Variants in MTA1 observed in about 807,000 individuals in gnomAD.
MTA1 encodes the protein metastasis associated 1.
Under a neutral mutation model 97.0 loss-of-function variants are expected in MTA1, and 15 were observed. The ratio of observed to expected loss-of-function variants is 0.15; its 90% confidence interval spans 0.10 to 0.24. MTA1 has a LOEUF of 0.24. MTA1 is among the 10% of genes least tolerant of loss of function. MTA1 has a pLI of 1.00. For missense variants in MTA1, 709 were observed against 1,015.1 expected (o/e 0.70, Z 4.10); for synonymous variants, 435 against 417.5 (o/e 1.04, Z -0.51).
intron 1 of MTA1, among the ~76,000 whole-genome samples, chr14:105,437,098 C>T (rs1039376745): frequency 3.9e-5 from 6 of 152,248 alleles, no homozygotes; most frequent in East Asian, 3.8e-4. Flanking sequence ...TCTATGTGGG[C>T]GTAGCCTCAT....
intron 16 of MTA1, chr14:105,465,762 C>T (rs2083555295): frequency 6.6e-6 from 1 of 152,428 alleles, no homozygotes; most frequent in African/African-American, 2.4e-5. Context: ...CTGGAAGCAG[C>T]TTGGTGGCTG....
Position 105,464,422 on chromosome 14 carries a change from A to C in MTA1, c.1199A>C (p.Gln400Pro). 6.2e-7 allele frequency: 1 copy of C among 1,613,176 alleles called. No homozygotes were observed. The highest frequency in any genetic ancestry group is 8.5e-7 in the Non-Finnish European group (1 of 1,179,616). Residue 400 changes from glutamine to proline, a missense_variant, in exon 14 of 21, where the codon CAG (glutamine) becomes CCG (proline). Transcript: ENST00000331320. ...CCAACTTTGTTGTCCGTAGCCACAC[A>C]GTCTTACCAGTGGTATTCTTGGGGT... ...GRACESCYTT[Q>P]SYQWYSWGPP...
At position 105,420,950 on chromosome 14, in the gene MTA1, C is replaced by T. The variant is rs149389111; in HGVS notation, c.28+887C>T. ...GGGCAGGTGCTCATTACCTTTCCCA[C>T]CTGCAGCCTGCGCTGCTGGAGGGAG... On this transcript the variant is annotated intron_variant, in intron 1 of 20. Transcript: ENST00000331320. The surrounding 1 kb of genome is among the most constrained non-coding windows in gnomAD (Gnocchi z 5.3). Among the ~76,000 whole-genome samples the T allele has an allele frequency of 0.01, 1,566 of 152,310 alleles. 6 individuals are homozygous for T. Among genetic ancestry groups the T allele is most frequent in the Non-Finnish European group, 0.017 (1,162 of 68,014 alleles).
chr14:105,436,445 G>A (rs2082326539), intron 1 of MTA1, among the ~76,000 whole-genome samples: 1 of 152,146 alleles, frequency 6.6e-6, no homozygotes, highest in African/African-American at 2.4e-5. Context: ...CGTGAATTTT[G>A]GAAGTCCATA....
Position 105,454,330 on chromosome 14 carries a change from G to A in MTA1, c.550+20G>A. 3 of 1,562,280 alleles carry A rather than the reference G, an allele frequency of 1.9e-6. No individual in the cohort carries two copies. Among genetic ancestry groups the A allele is most frequent in the Non-Finnish European group, 2.6e-6 (3 of 1,133,796 alleles). ...AAGAAGGTAGGGTGGGCCGCCCTGG[G>A]CATGGAGCCCTCTGTCCTGTCCTGT... On this transcript the variant is annotated intron_variant, in intron 7 of 20. Coordinates refer to ENST00000331320, the MANE Select transcript of MTA1 (RefSeq NM_004689.4).
At chr14:105,423,233 T>A (rs2081904440) in intron 1 of MTA1, among the ~76,000 whole-genome samples, 1 of 148,280 alleles carries the variant, frequency 6.7e-6, no homozygotes, top group Non-Finnish European at 1.5e-5. Context: ...TTTTTTTTTT[T>A]TTTTGAGATG....
intron 8 of MTA1, among the ~76,000 whole-genome samples, chr14:105,459,971 A>G (rs7493730): frequency 8.7e-4 from 37 of 42,412 alleles, no homozygotes; most frequent in African/African-American, 1.2e-3. Flanking sequence ...CGTGCTGCCC[A>G]TGGCCCCTGG....
chr14:105,464,950 T>C, intron 15 of MTA1, 87 bp downstream of exon 15: 2 of 1,454,932 alleles, frequency 1.4e-6, no homozygotes, highest in South Asian at 1.4e-5. Flanking sequence ...GTAGCCCCAC[T>C]GGGAGTTCTG....
At chr14:105,452,472 G>A (rs961055938) in intron 6 of MTA1, among the ~76,000 whole-genome samples, 1 of 152,226 alleles carries the variant, frequency 6.6e-6, no homozygotes, top group African/African-American at 2.4e-5. Context: ...TTGAGCTCAG[G>A]AGTTCAAGAG....
In MTA1 at chr14:105,419,977, G is replaced by C. The variant is rs1464191066; in HGVS notation, c.-59G>C. ...CCCGCCATCGCGCCTCCATTTTCCC[G>C]GCCGCCCGCGCCGAGCGCCGCGCCC... On this transcript the variant is annotated 5_prime_UTR_variant, in exon 1 of 21. Transcript: ENST00000331320. 7 of 878,070 alleles carry C rather than the reference G, an allele frequency of 8.0e-6. No individual in the cohort carries two copies. The highest frequency in any genetic ancestry group is 9.3e-6 in the Non-Finnish European group (7 of 749,626). The allele number at this position is 878,070 out of a possible 1,614,324, so 54.4% of individuals were successfully genotyped here. A position where few individuals can be genotyped will look rare whatever the true frequency, so the allele number is the denominator to read the frequency against.
chr14:105,450,413 A>T (rs1466169579), intron 6 of MTA1, 89 bp downstream of exon 6: 5 of 1,413,562 alleles, frequency 3.5e-6, no homozygotes, highest in Non-Finnish European at 4.8e-6. Context: ...GGCGGCGGAG[A>T]CGATTTTCCC....
chr14:105,452,541 G>A (rs587771085), intron 6 of MTA1, among the ~76,000 whole-genome samples: 3 of 152,348 alleles, frequency 2.0e-5, no homozygotes, highest in African/African-American at 7.2e-5. Context: ...TTAGCCAGGC[G>A]TGGTGGTGCA....
chr14:105,435,461 A>AT (rs1190742929), intron 1 of MTA1, among the ~76,000 whole-genome samples: 42 of 151,600 alleles, frequency 2.8e-4, no homozygotes, highest in Admixed American at 5.3e-4. Flanking sequence ...ATTAAAAATA[A>AT]TTTTTTTTTA....
chr14:105,466,212 T>G, intron 16 of MTA1: 1 of 590,384 alleles, frequency 1.7e-6, no homozygotes, highest in Non-Finnish European at 3.0e-6. Context: ...GGTGCGGGAC[T>G]GGCCCGGGCA....
chr14:105,431,037 T>C (rs2082163219), intron 1 of MTA1, among the ~76,000 whole-genome samples: 1 of 152,220 alleles, frequency 6.6e-6, no homozygotes, highest in Non-Finnish European at 1.5e-5. Flanking sequence ...GTCCCTGGAA[T>C]GTGTGTGGGG....
At chr14:105,462,048 G>A (rs1179764582) in intron 10 of MTA1, among the ~76,000 whole-genome samples, 1 of 152,264 alleles carries the variant, frequency 6.6e-6, no homozygotes, top group Non-Finnish European at 1.5e-5. Flanking sequence ...CCAGTGCTGA[G>A]CCCACGTGAT....
rs782275800 is a variant in MTA1, at chr14:105,463,149, C to G, written c.943-35C>G. 6.2e-7 allele frequency: 1 copy of G among 1,605,552 alleles called. No homozygotes were observed. The highest frequency in any genetic ancestry group is 2.2e-5 in the East Asian group (1 of 44,812). ...TGCATGGTGTGCCTGCCTCCTGCCC[C>G]TTCCTGCTTGTGTGACACGCCTCCT... On this transcript the variant is annotated intron_variant, in intron 10 of 20. Transcript: ENST00000331320. The surrounding 1 kb of genome is among the most constrained non-coding windows in gnomAD (Gnocchi z 5.9).
At chr14:105,466,965 C>G in intron 18 of MTA1, 1 of 585,486 alleles carries the variant, frequency 1.7e-6, no homozygotes, top group South Asian at 2.0e-5. Context: ...GGCCCCGCCT[C>G]CTGTCAGTGG....
intron 18 of MTA1, chr14:105,468,855 AG>A (rs782589696): frequency 3.2e-5 from 9 of 277,402 alleles, no homozygotes; most frequent in South Asian, 2.9e-4. Context: ...GGGGGTGACC[AG>A]GAGCATGGAC....
Sources: allele counts gnomAD v4.1 joint callset (sites outside exome capture counted in the v4.1 genomes callset), GRCh38; gene constraint gnomAD v4.1.1; non-coding constraint Gnocchi (gnomAD v3.1); transcripts MANE v1.5; gene names NCBI Gene and HGNC (gene_info 2026-07-23, HGNC 2026-07-21).